The following ATG12 variants were observed in gnomAD, a reference collection of about 807,000 sequenced individuals.
The protein encoded by ATG12 is autophagy related 12.
In ATG12, 19 loss-of-function variants were observed where a neutral mutation model predicts 17.6. The ratio of observed to expected loss-of-function variants is 1.08; its 90% CI spans 0.75 to 1.58. The LOEUF (loss-of-function observed/expected upper bound fraction) is 1.58, where lower values mean the gene tolerates loss of function less well. Ranked by LOEUF, ATG12 falls within the 40% of genes most tolerant of loss-of-function variation. The probability of loss-of-function intolerance (pLI) is 0.00; values close to 1 mark genes in which losing one functional copy is unlikely to be tolerated. For synonymous variants in ATG12, 75 were observed against 62.4 expected (o/e 1.20, Z -0.95); for missense variants, 214 against 162.0 (o/e 1.32, Z -1.74).
At chr5:115,831,896 ATCTTT>A in intron 3 of ATG12, 33 bp from the exon 4 acceptor site, 1 of 1,530,846 alleles carries the variant, frequency 6.5e-7, no homozygotes, top group Admixed American at 1.9e-5. Flanking sequence ...ATCAAACTCA[ATCTTT>A]TATTATTCTT....
chr5:115,834,592 T>C (rs1187077194), intron 2 of ATG12, among the ~76,000 whole-genome samples: 1 of 152,220 alleles, frequency 6.6e-6, no homozygotes, highest in African/African-American at 2.4e-5. Flanking sequence ...TTGATGTCTC[T>C]AGTTATTCTG....
chr5:115,841,524 T>G lies in ATG12; in HGVS notation c.29A>C (p.Gln10Pro), dbSNP rs756320117. 18 of 1,613,456 alleles carry G rather than the reference T, an allele frequency of 1.1e-5. No individual in the cohort carries two copies. The highest frequency in any genetic ancestry group is 1.5e-5 in the Non-Finnish European group (18 of 1,179,776). Residue 10 changes from glutamine (Q) to proline (P), a missense_variant, in exon 1 of 4, where the codon CAG (glutamine) becomes CCG (proline). Physicochemically the swap from Gln to Pro is moderately conservative, Grantham distance 76. Transcript: ENST00000509910. ...TCCAGCAGCAATTGAAGTAGGAAGC[T>G]GCAACACAGACTGCGGCTCCTCCGC... MAEEPQSVL[Q>P]LPTSIAAGGE...
At chr5:115,841,129 T>C (rs1320359585) in intron 1 of ATG12, 4 of 329,758 alleles carry the variant, frequency 1.2e-5, no homozygotes, top group African/African-American at 1.1e-4. Flanking sequence ...GCTCGCAGTC[T>C]GGCCAACTCA....
chr5:115,831,710 G>C lies in ATG12; in HGVS notation c.*94C>G. On this transcript the variant is annotated 3_prime_UTR_variant, in exon 4 of 4. Coordinates refer to ENST00000509910, the MANE Select transcript of ATG12 (RefSeq NM_004707.4). ...GACACATACTAAATAGATCACATCT[G>C]TTAAGTCTCTTGCCACAAGCATCAA... The C allele has an allele frequency of 2.6e-6, 3 of 1,151,898 alleles. No individual in the cohort carries two copies. Among genetic ancestry groups the C allele is most frequent in the Non-Finnish European group, 3.8e-6 (3 of 780,740 alleles). The allele number at this position is 1,151,898 out of a possible 1,614,324, so 71.4% of individuals were successfully genotyped here. A position where few individuals can be genotyped will look rare whatever the true frequency, so the allele number is the denominator to read the frequency against.
intron 1 of ATG12, chr5:115,838,008 A>G (rs915050889): frequency 1.4e-5 from 5 of 352,938 alleles, no homozygotes; most frequent in African/African-American, 6.4e-5. Flanking sequence ...AGTTCCAAAG[A>G]GAGGAAATAC....
intron 2 of ATG12, chr5:115,835,154 T>C (rs1426376703): frequency 6.6e-6 from 1 of 152,204 alleles, no homozygotes; most frequent in African/African-American, 2.4e-5. Context: ...TCGTTTTTCT[T>C]TCATGTCTTA....
intron 3 of ATG12, 92 bp from the exon 4 acceptor site, chr5:115,831,955 C>T: frequency 4.1e-6 from 5 of 1,207,926 alleles, no homozygotes; most frequent in Non-Finnish European, 5.9e-6. Context: ...CATAAATATC[C>T]ACACACGTAT....
chr5:115,832,543 A>T, intron 3 of ATG12, 59 bp downstream of exon 3: 1 of 1,450,478 alleles, frequency 6.9e-7, no homozygotes, highest in South Asian at 1.4e-5. Flanking sequence ...TGCATACTCG[A>T]TTAAGAAAAA....
intron 1 of ATG12, chr5:115,840,792 C>G (rs1438787207): frequency 9.2e-6 from 11 of 1,195,732 alleles, no homozygotes; most frequent in Non-Finnish European, 1.1e-5. Context: ...TTGAGGATAG[C>G]TGACTCAAGC....
chr5:115,836,346 C>G (rs978301760), intron 2 of ATG12, among the ~76,000 whole-genome samples: 1 of 152,158 alleles, frequency 6.6e-6, no homozygotes, highest in Non-Finnish European at 1.5e-5. Context: ...TTTCTTAAAT[C>G]TCCATGTATT....
At chr5:115,837,566 T>G in intron 2 of ATG12, 62 bp downstream of exon 2, 1 of 1,563,618 alleles carries the variant, frequency 6.4e-7, no homozygotes, top group Non-Finnish European at 8.8e-7. Context: ...CAACAGTTAA[T>G]TCACTGTTGC....
In ATG12 at chr5:115,830,840, C is replaced by T. The variant is rs145076153; in HGVS notation, c.*964G>A. The T allele has an allele frequency of 1.3e-5, 2 of 152,032 alleles. No homozygotes were observed. The highest frequency in any genetic ancestry group is 2.9e-5 in the Non-Finnish European group (2 of 68,000). 9.4% of individuals were successfully genotyped at this position (152,032 alleles called of 1,614,324 possible). On this transcript the variant is annotated 3_prime_UTR_variant, in exon 4 of 4. Coordinates refer to ENST00000509910, the MANE Select transcript of ATG12 (RefSeq NM_004707.4). ...TCTGGAATGCTTTCTAAAAATATGG[C>T]ATTATAAACATAATACTAAAGAGAA...
intron 2 of ATG12, chr5:115,833,511 C>T (rs1760971572): frequency 6.6e-6 from 1 of 152,022 alleles, no homozygotes; most frequent in African/African-American, 2.4e-5. Context: ...CTGAGACACA[C>T]CTGGGTTTGA....
intron 1 of ATG12, chr5:115,839,463 C>T (rs1761238625): frequency 6.6e-6 from 1 of 152,146 alleles, no homozygotes; most frequent in Middle Eastern, 3.2e-3. Context: ...TCCCCTGGGG[C>T]TATCAATAAA....
At position 115,841,543 on chromosome 5, in the gene ATG12, C is replaced by A; in HGVS notation, c.10G>T (p.Glu4Ter). 3.1e-6 allele frequency: 5 copies of A among 1,613,734 alleles called. No individual in the cohort carries two copies. The highest frequency in any genetic ancestry group is 1.1e-5 in the South Asian group (1 of 91,084). Residue 4 changes from glutamate (E) to a stop codon, truncating the protein, a stop_gained, in exon 1 of 4, where the codon GAG becomes TAG. Coordinates refer to ENST00000509910, the MANE Select transcript of ATG12 (RefSeq NM_004707.4). LOFTEE classifies it high-confidence loss of function. MAE[E>*]PQSVLQLPTS... is the part of the protein sequence containing the mutation. ...GGAAGCTGCAACACAGACTGCGGCT[C>A]CTCCGCCATCTTGCTTGGAGACACT...
At chr5:115,835,668 G>T (rs1178568799) in intron 2 of ATG12, among the ~76,000 whole-genome samples, 1 of 152,066 alleles carries the variant, frequency 6.6e-6, no homozygotes, top group African/African-American at 2.4e-5. Context: ...TACAGAAGAG[G>T]GCAAAACTCC....
At chr5:115,839,411 A>G (rs1761236879) in intron 1 of ATG12, 1 of 152,030 alleles carries the variant, frequency 6.6e-6, no homozygotes, top group Non-Finnish European at 1.5e-5. Context: ...GTGGGATTTT[A>G]GTTAGCCTAT....
chr5:115,839,272 G>A (rs1428398204), intron 1 of ATG12: 2 of 151,918 alleles, frequency 1.3e-5, no homozygotes, highest in East Asian at 3.9e-4. Flanking sequence ...AAGATCAGAG[G>A]TCATTTTATT....
In ATG12 at chr5:115,837,704, A is replaced by G; in HGVS notation, c.224T>C (p.Val75Ala). 6.2e-7 allele frequency: 1 copy of G among 1,613,236 alleles called. No homozygotes were observed. The highest frequency in any genetic ancestry group is 2.2e-5 in the East Asian group (1 of 44,876). ...TCCTTGGATGGTTCGTGTTCGCTCTACTGCCCACTTCTTTGTTTTCATAAT... is the reference window on the plus strand; with the variant it reads ...TCCTTGGATGGTTCGTGTTCGCTCTGCTGCCCACTTCTTTGTTTTCATAAT... ...TPIMKTKKWA[V>A]ERTRTIQGLI... The change falls in exon 2 of 4, where the codon GTA (valine) becomes GCA (alanine). Residue 75 changes from valine (V) to alanine (A), a missense_variant. Val to Ala is a moderately conservative substitution (Grantham distance 64, BLOSUM62 0). Transcript: ENST00000509910.
Sources: gnomAD v4.1 joint callset for allele counts (sites outside exome capture counted in the v4.1 genomes callset) on GRCh38, gnomAD v4.1.1 for gene constraint, MANE v1.5 for transcripts, NCBI Gene and HGNC (gene_info 2026-07-23, HGNC 2026-07-21) for gene names.